Variants in LILRA5 observed in about 807,000 individuals in gnomAD.
The protein encoded by LILRA5 is leukocyte immunoglobulin like receptor A5.
A neutral mutation model predicts 36.3 loss-of-function variants in LILRA5; 31 were observed. That is an observed-to-expected ratio of 0.85 (90% CI 0.64 to 1.15). The LOEUF (loss-of-function observed/expected upper bound fraction) is 1.15. LILRA5 is among the 50% of genes most tolerant of loss of function. The probability of loss-of-function intolerance (pLI) is 0.00; values close to 1 mark genes in which losing one functional copy is unlikely to be tolerated. For synonymous variants in LILRA5, 144 were observed against 144.8 expected, an observed-to-expected ratio of 0.99 and a Z score of 0.04; for missense variants, 348 against 377.4, an observed-to-expected ratio of 0.92 and a Z score of 0.64.
intron 5 of LILRA5, chr19:54,310,919 A>G (rs1469836051): frequency 4.2e-6 from 1 of 236,050 alleles, no homozygotes; most frequent in Non-Finnish European, 8.7e-6. Flanking sequence ...CCTCCTATAA[A>G]CCTCCTTCTG....
chr19:54,312,193 C>A (rs1164340421), intron 3 of LILRA5, 45 bp from the exon 4 acceptor site: 4 of 1,610,708 alleles, frequency 2.5e-6, no homozygotes, highest in Non-Finnish European at 3.4e-6. Context: ...CCCCACCCCT[C>A]AGATCCCAGC....
At chr19:54,308,301 G>A (rs980355373) in intron 5 of LILRA5, 6 of 136,664 alleles carry the variant, frequency 4.4e-5, no homozygotes, top group African/African-American at 1.7e-4. Flanking sequence ...ATATATATAC[G>A]TATGTATATA....
chr19:54,311,747 G>A, intron 4 of LILRA5, 31 bp from the exon 5 acceptor site: 1 of 1,610,254 alleles, frequency 6.2e-7, no homozygotes, highest in South Asian at 1.1e-5. Flanking sequence ...GTGTTAAATG[G>A]GGCTCCCACC....
Position 54,311,885 on chromosome 19 carries a change from G to T in LILRA5, c.388C>A (p.Pro130Thr). Residue 130 changes from proline to threonine, a missense_variant, in exon 4 of 7, where the codon CCC becomes ACC. Pro to Thr is a conservative substitution (Grantham distance 38, BLOSUM62 -1). Transcript: ENST00000432233. ...SPAGWSEPSD[P>T]LELVVTGFYN... Reference sequence around the variant, plus strand: ...TCACCTGTCACCACCAGCTCCAGGGGGTCGCTGGGCTCTGACCAGCCTGCA... The same window carrying T: ...TCACCTGTCACCACCAGCTCCAGGGTGTCGCTGGGCTCTGACCAGCCTGCA... The T allele has an allele frequency of 2.2e-5, 35 of 1,614,188 alleles. No homozygotes were observed. Among genetic ancestry groups the T allele is most frequent in the Non-Finnish European group, 3.0e-5 (35 of 1,180,036 alleles).
rs1041375475 is a variant in LILRA5 at position 54,312,080 on chromosome 19, T to G, written c.193A>C (p.Ile65Leu). The G allele has an allele frequency of 6.2e-7, 1 of 1,614,124 alleles. No homozygotes were observed. Among genetic ancestry groups the G allele is most frequent in the South Asian group, 1.1e-5 (1 of 91,088 alleles). Residue 65 changes from isoleucine to leucine, a missense_variant, in exon 4 of 7, where the codon ATC becomes CTC. By Grantham distance (5) the Ile-to-Leu change is conservative. Transcript: ENST00000432233. ...GCCTCCAGGGTCCCCTGACACCGGA[T>G]GGTCACAGAGTTCCCCCGGCTGATC... is the stretch of plus-strand genomic sequence containing the variant. The part of the protein sequence containing the change: ...SVISRGNSVT[I>L]RCQGTLEAQE...
chr19:54,311,061 T>A (rs1047094288), intron 5 of LILRA5: 1 of 333,432 alleles, frequency 3.0e-6, no homozygotes, highest in Admixed American at 4.0e-5. Context: ...GTTCGAGCGA[T>A]TCTCCTGCCT....
chr19:54,307,856 A>G, intron 5 of LILRA5, 108 bp from the exon 6 acceptor site: 2 of 886,924 alleles, frequency 2.3e-6, no homozygotes, highest in Non-Finnish European at 3.7e-6. Flanking sequence ...TCTCAACATG[A>G]CTTTTATGGA....
At chr19:54,310,700 C>A in intron 5 of LILRA5, 1 of 333,158 alleles carries the variant, frequency 3.0e-6, no homozygotes, top group Non-Finnish European at 6.1e-6. Context: ...GGAAGTCAGC[C>A]TGGGAGAGCC....
intron 5 of LILRA5, chr19:54,308,354 A>ATATAT (rs2080930204): frequency 1.1e-4 from 2 of 18,502 alleles, no homozygotes; most frequent in Non-Finnish European, 1.7e-4. Flanking sequence ...TGTATATATA[A>ATATAT]ATATATATAT....
At chr19:54,307,947 T>G in intron 5 of LILRA5, 199 bp from the exon 6 acceptor site, 1 of 590,684 alleles carries the variant, frequency 1.7e-6, no homozygotes, top group Non-Finnish European at 3.0e-6. Flanking sequence ...TCCTTTGTTC[T>G]TTGAATTTAA....
At position 54,312,842 on chromosome 19, in the gene LILRA5, C is replaced by A. The variant is rs542996039; in HGVS notation, c.3+175G>T. ...GGGTCTCCCTTCCCCGGGCCACTGTCTGCCTGATTTATCTTTATCTCACTG... is the reference window on the plus strand; with the variant it reads ...GGGTCTCCCTTCCCCGGGCCACTGTATGCCTGATTTATCTTTATCTCACTG... On this transcript the variant is annotated intron_variant, in intron 1 of 6. Transcript: ENST00000432233. The A allele has an allele frequency of 1.4e-4, 120 of 861,800 alleles. No individual in the cohort carries two copies. The East Asian group carries it at 3.0e-3, about 21-fold the overall frequency. The allele number at this position is 861,800 out of a possible 1,614,324, so 53.4% of individuals were successfully genotyped here.
chr19:54,309,998 C>A (rs910409375), intron 5 of LILRA5: 2 of 306,158 alleles, frequency 6.5e-6, no homozygotes, highest in South Asian at 2.6e-5. Flanking sequence ...ACAGCTGGGG[C>A]GCTTCTCTCT....
rs766996868 is a variant in LILRA5, at chr19:54,307,541, G to C, written c.772C>G (p.Leu258Val). The C allele has an allele frequency of 1.1e-5, 17 of 1,613,908 alleles. No homozygotes were observed. The East Asian group carries it at 2.5e-4, about 23-fold the overall frequency. ...NKSDSGTASH[L>V]QDYAVENLIR... Reference sequence around the variant, plus strand: ...AGATTCTCTACTGCGTAATCCTGAAGGTGTGAGGCTGGGGATGGTGGACAA... The same window carrying C: ...AGATTCTCTACTGCGTAATCCTGAACGTGTGAGGCTGGGGATGGTGGACAA... The change falls in exon 7 of 7, where the codon CTT (leucine) becomes GTT (valine). Residue 258 changes from leucine to valine, a missense_variant. Transcript: ENST00000432233.
intron 5 of LILRA5, 106 bp from the exon 6 acceptor site, chr19:54,307,854 T>C (rs765621521): frequency 7.7e-6 from 7 of 912,048 alleles, no homozygotes; most frequent in Non-Finnish European, 1.3e-5. Flanking sequence ...CCTCTCAACA[T>C]GACTTTTATG....
rs1481424158 is a variant in LILRA5 at position 54,311,905 on chromosome 19, C to A, written c.368G>T (p.Gly123Val). Reference protein sequence around the residue: ...RYRCYYYSPAGWSEPSDPLEL... With the variant: ...RYRCYYYSPAVWSEPSDPLEL... ...CAGGGGGTCGCTGGGCTCTGACCAG[C>A]CTGCAGGGCTGTAGTAGTAACAGCG... The change falls in exon 4 of 7, where the codon GGC becomes GTC. Residue 123 changes from glycine (G) to valine (V), a missense_variant. Coordinates refer to ENST00000432233, the MANE Select transcript of LILRA5 (RefSeq NM_021250.4). 2 of 1,614,178 alleles carry A rather than the reference C, an allele frequency of 1.2e-6. No individual in the cohort carries two copies. Among genetic ancestry groups the A allele is most frequent in the South Asian group, 1.1e-5 (1 of 91,088 alleles).
intron 1 of LILRA5, 168 bp from the exon 2 acceptor site, chr19:54,312,789 C>G (rs2081051100): frequency 3.8e-6 from 3 of 794,490 alleles, no homozygotes; most frequent in Non-Finnish European, 6.1e-6. Context: ...AGGCACCAGG[C>G]TCTCTGCAGA....
intron 5 of LILRA5, chr19:54,308,005 G>A (rs2080915333): frequency 2.0e-6 from 1 of 509,638 alleles, no homozygotes; most frequent in Non-Finnish European, 3.6e-6. Context: ...CACCGTGAAA[G>A]CTCAGGATCT....
Position 54,312,519 on chromosome 19 carries a change from T to C in LILRA5, c.88+18A>G, listed in dbSNP as rs2081044583. On this transcript the variant is annotated intron_variant, in intron 2 of 6. Transcript: ENST00000432233. ...CTCCCAGACTAGGGTGCCCCTTCCC[T>C]GAGGCTTCCAATCTCACCGAGGCAG... is the stretch of plus-strand genomic sequence containing the variant. The C allele has an allele frequency of 6.2e-7, 1 of 1,614,008 alleles. No individual in the cohort carries two copies. The highest frequency in any genetic ancestry group is 1.1e-5 in the South Asian group (1 of 91,086).
At chr19:54,310,324 T>C (rs1417346526) in intron 5 of LILRA5, 2 of 154,498 alleles carry the variant, frequency 1.3e-5, no homozygotes, top group East Asian at 1.9e-4. Flanking sequence ...TCCCGCAGGA[T>C]AGGGTAGGGG....
Sources: allele counts gnomAD v4.1 joint callset, GRCh38; gene constraint gnomAD v4.1.1; transcripts MANE v1.5; gene names NCBI Gene and HGNC (gene_info 2026-07-23, HGNC 2026-07-21).